CYFIP2: variants seen among roughly 807,000 people sequenced by gnomAD.
CYFIP2 encodes the protein cytoplasmic FMR1-interacting protein 2.
A neutral mutation model predicts 158.7 loss-of-function variants in CYFIP2; 29 were observed. The observed-to-expected ratio is 0.18, with a 90% CI of 0.14 to 0.25. CYFIP2 has a LOEUF of 0.25. Among genes scored for constraint, CYFIP2 ranks in the 10% least tolerant of loss-of-function variants. The pLI, the probability that CYFIP2 is intolerant of heterozygous loss-of-function variation, is 1.00. For synonymous variants in CYFIP2, 585 were observed against 617.6 expected (o/e 0.95, Z 0.78); for missense variants, 852 against 1,639.5 (o/e 0.52, Z 8.29).
intron 1 of CYFIP2, among the ~76,000 whole-genome samples, chr5:157,277,334 T>C (rs1215051776): frequency 6.6e-6 from 1 of 152,092 alleles, no homozygotes; most frequent in Non-Finnish European, 1.5e-5. Flanking sequence ...TCTGGCCTTA[T>C]CTGTGTAGCC....
chr5:157,283,228 A>C (rs1467567824), intron 1 of CYFIP2, among the ~76,000 whole-genome samples: 5 of 152,188 alleles, frequency 3.3e-5, no homozygotes, highest in Non-Finnish European at 7.4e-5. Context: ...ACCTACCTTT[A>C]TAGGGTGGAT....
Position 157,343,104 on chromosome 5 carries a change from A to G in CYFIP2, c.2673+1947A>G, listed in dbSNP as rs140731272. ...TCCATGTGGCCAGCCCTGTAAGACC[A>G]TCGCGGCTCATGGCAACGGACACAC... is the stretch of plus-strand genomic sequence containing the variant. On this transcript the variant is annotated intron_variant, in intron 23 of 30. Coordinates refer to ENST00000620254, the MANE Select transcript of CYFIP2 (RefSeq NM_001037333.3). 8 of 1,614,060 alleles carry G rather than the reference A, an allele frequency of 5.0e-6. No homozygotes were observed. In the African/African-American group the frequency reaches 1.1e-4, roughly 22 times the overall value.
At chr5:157,333,572 A>C in intron 21 of CYFIP2, 126 bp downstream of exon 21, 3 of 1,351,656 alleles carry the variant, frequency 2.2e-6, no homozygotes, top group Non-Finnish European at 2.1e-6. Flanking sequence ...TTCCCATCTG[A>C]ATGGAGCTGG....
intron 20 of CYFIP2, 130 bp from the exon 21 acceptor site, chr5:157,333,197 C>CA: frequency 8.3e-7 from 1 of 1,203,162 alleles, no homozygotes; most frequent in Admixed American, 2.0e-5. Context: ...GGAGTTTCTC[C>CA]AGGAAACCCC....
chr5:157,282,501 A>G (rs913361608), intron 1 of CYFIP2, among the ~76,000 whole-genome samples: 3 of 152,186 alleles, frequency 2.0e-5, no homozygotes, highest in Non-Finnish European at 4.4e-5. Flanking sequence ...TATCCTAACT[A>G]TGTCAATGGA....
chr5:157,297,892 G>A (rs1758383991), intron 5 of CYFIP2, among the ~76,000 whole-genome samples: 1 of 152,248 alleles, frequency 6.6e-6, no homozygotes, highest in South Asian at 2.1e-4. Flanking sequence ...CACACTGCAA[G>A]TGCAGAGTGG....
chr5:157,356,535 G>A (rs9313556), intron 23 of CYFIP2, among the ~76,000 whole-genome samples: 72,554 of 152,032 alleles, frequency 0.48, 19,376 homozygotes, highest in African/African-American at 0.74. Context: ...CAACAGCCCA[G>A]TCAGGATGTA....
At chr5:157,339,308 A>C in intron 22 of CYFIP2, 52 bp downstream of exon 22, 1 of 1,534,746 alleles carries the variant, frequency 6.5e-7, no homozygotes, top group Non-Finnish European at 8.9e-7. Context: ...GGGAGTGGCC[A>C]GCTGCCTCCT....
At chr5:157,370,708 G>A (rs937075001) in intron 26 of CYFIP2, among the ~76,000 whole-genome samples, 6 of 152,192 alleles carry the variant, frequency 3.9e-5, no homozygotes, top group African/African-American at 1.4e-4. Context: ...TTTAGGAAAT[G>A]CTAACCTTGG....
At chr5:157,324,918 G>C (rs1347828965) in intron 16 of CYFIP2, 3 of 152,068 alleles carry the variant, frequency 2.0e-5, no homozygotes, top group Admixed American at 1.3e-4. Context: ...GAATCCTTCT[G>C]CTTCAGCCTC....
intron 23 of CYFIP2, chr5:157,343,572 C>T: frequency 6.7e-7 from 1 of 1,492,330 alleles, no homozygotes; most frequent in Middle Eastern, 1.8e-4. Flanking sequence ...TGAAGAGTGA[C>T]ATCCCCTGAT....
chr5:157,375,184 G>A (rs1044399873), intron 26 of CYFIP2, among the ~76,000 whole-genome samples: 1 of 152,192 alleles, frequency 6.6e-6, no homozygotes, highest in African/African-American at 2.4e-5. Context: ...TTGCCTGGTA[G>A]GCCCAATGGC....
At chr5:157,327,853 A>G in intron 18 of CYFIP2, 120 bp from the exon 19 acceptor site, 1 of 861,716 alleles carries the variant, frequency 1.2e-6, no homozygotes, top group Non-Finnish European at 1.8e-6. Context: ...TCCCCTTCAA[A>G]GCGTCTTTCC....
At chr5:157,377,009 G>A (rs914266695) in intron 26 of CYFIP2, 3 of 396,274 alleles carry the variant, frequency 7.6e-6, no homozygotes, top group East Asian at 1.6e-4. Flanking sequence ...CCCTGGGCAG[G>A]GGTCCTTTTA....
chr5:157,376,773 TC>T (rs1765519837), intron 26 of CYFIP2: 1 of 405,706 alleles, frequency 2.5e-6, no homozygotes. Context: ...CTTGCACAGT[TC>T]CTTTCCCCTG....
At chr5:157,389,491 G>C in intron 29 of CYFIP2, 64 bp downstream of exon 29, 1 of 1,421,618 alleles carries the variant, frequency 7.0e-7, no homozygotes, top group East Asian at 2.5e-5. Context: ...AAGTCATGGG[G>C]CTGCCAGAGT....
chr5:157,268,423 C>T (rs1000357973), intron 1 of CYFIP2, among the ~76,000 whole-genome samples: 1 of 152,204 alleles, frequency 6.6e-6, no homozygotes, highest in Admixed American at 6.5e-5. Flanking sequence ...TGGTAGAACA[C>T]TACATGACCC....
intron 23 of CYFIP2, among the ~76,000 whole-genome samples, chr5:157,348,546 G>C (rs1362733688): frequency 2.0e-5 from 3 of 152,148 alleles, no homozygotes; most frequent in African/African-American, 7.2e-5. Context: ...CGAGTACCTG[G>C]GACTACAGGT....
chr5:157,268,067 T>C lies in CYFIP2; in HGVS notation c.-24+1872T>C, dbSNP rs115135898. On this transcript the variant is annotated intron_variant, in intron 1 of 30. Transcript: ENST00000620254. ...GTGTACACAGGGTTCCTCGTTGGCA[T>C]TGGCTGCCCTTTGCCAAGGCAATTA... Among the ~76,000 whole-genome samples, 534 of 152,374 alleles carry C rather than the reference T, an allele frequency of 3.5e-3. 4 individuals are homozygous for C. The highest frequency in any genetic ancestry group is 0.012 in the African/African-American group (504 of 41,594).
Sources: gnomAD v4.1 joint callset for allele counts (sites outside exome capture counted in the v4.1 genomes callset) on GRCh38, gnomAD v4.1.1 for gene constraint, MANE v1.5 for transcripts, NCBI Gene and HGNC (gene_info 2026-07-23, HGNC 2026-07-21) for gene names.